The following AFAP1 variants were observed in gnomAD, a reference collection of about 807,000 sequenced individuals.
AFAP1 encodes actin filament-associated protein 1.
A neutral mutation model predicts 93.9 loss-of-function variants in AFAP1; 75 were observed. That is an observed-to-expected ratio of 0.80 (90% CI 0.66 to 0.97). The LOEUF (loss-of-function observed/expected upper bound fraction) is 0.97. AFAP1 is among the 50% of genes least tolerant of loss of function. AFAP1 has a pLI of 0.00. For missense variants in AFAP1, 1,201 were observed against 1,050.8 expected (o/e 1.14, Z -1.98); for synonymous variants, 517 against 430.7 (o/e 1.20, Z -2.48).
In AFAP1 at chr4:7,840,308, GTGTGT is replaced by G. The variant is rs1560191732; in HGVS notation, c.547-1610_547-1606del. Among the ~76,000 whole-genome samples the G allele has an allele frequency of 2.2e-3, 134 of 59,676 alleles. 1 individual carries two copies. Among genetic ancestry groups the G allele is most frequent in the African/African-American group, 0.013 (124 of 9,774 alleles). 39.1% of individuals were successfully genotyped at this position (59,676 alleles called of 152,430 possible). On this transcript the variant is annotated intron_variant, in intron 5 of 17. Coordinates refer to ENST00000420658, the MANE Select transcript of AFAP1 (RefSeq NM_001134647.2). ...TGTGTTCCTGGTTTGTTTTTGGGGT[GTGTGT>G]GTGTGTGTGTGTGTGTTTGAGATGA... is the stretch of plus-strand genomic sequence containing the variant.
chr4:7,829,859 CTCTT>C (rs1331541576), intron 6 of AFAP1, among the ~76,000 whole-genome samples: 1 of 152,198 alleles, frequency 6.6e-6, no homozygotes, highest in Non-Finnish European at 1.5e-5. Context: ...GAAGTGATTA[CTCTT>C]TCTGAGAATT....
intron 1 of AFAP1, among the ~76,000 whole-genome samples, chr4:7,888,264 C>T (rs1718244883): frequency 1.3e-5 from 2 of 152,224 alleles, no homozygotes; most frequent in African/African-American, 4.8e-5. Context: ...CCTAAACGCA[C>T]CAAAACACAA....
intron 1 of AFAP1, among the ~76,000 whole-genome samples, chr4:7,920,787 A>G (rs750724295): frequency 2.6e-4 from 39 of 151,632 alleles, no homozygotes; most frequent in Non-Finnish European, 4.7e-4. Context: ...AGACTAAAAA[A>G]CAGAAATGTA....
At chr4:7,817,006 A>G (rs1720536963) in intron 7 of AFAP1, among the ~76,000 whole-genome samples, 3 of 152,362 alleles carry the variant, frequency 2.0e-5, no homozygotes, top group Non-Finnish European at 1.5e-5. Flanking sequence ...CCAGGGCAAC[A>G]GGTCCAGCCA....
intron 6 of AFAP1, among the ~76,000 whole-genome samples, chr4:7,836,979 T>C (rs1174742490): frequency 6.6e-6 from 1 of 152,102 alleles, no homozygotes; most frequent in African/African-American, 2.4e-5. Context: ...GGCACAAGGA[T>C]GACAAAAATG....
intron 3 of AFAP1, among the ~76,000 whole-genome samples, chr4:7,867,827 C>T (rs1716594948): frequency 1.3e-5 from 2 of 151,960 alleles, no homozygotes; most frequent in African/African-American, 4.8e-5. Context: ...TGAGTCCCTC[C>T]AAGACTCTTG....
intron 9 of AFAP1, among the ~76,000 whole-genome samples, chr4:7,805,822 G>A (rs1560170061): frequency 6.6e-6 from 1 of 152,218 alleles, no homozygotes; most frequent in Non-Finnish European, 1.5e-5. Flanking sequence ...AGCAGTGTTA[G>A]AGGCCCTGAA....
intron 1 of AFAP1, among the ~76,000 whole-genome samples, chr4:7,928,906 G>A (rs1720915304): frequency 6.6e-6 from 1 of 152,236 alleles, no homozygotes; most frequent in Non-Finnish European, 1.5e-5. Context: ...CAGTGGCAGA[G>A]CCAGCATGCC....
intron 6 of AFAP1, among the ~76,000 whole-genome samples, chr4:7,834,588 T>C (rs1025755838): frequency 2.0e-5 from 3 of 152,218 alleles, no homozygotes; most frequent in Non-Finnish European, 4.4e-5. Flanking sequence ...GCAGCTACTA[T>C]GATAGTAAGC....
chr4:7,907,865 A>G (rs1719505803), intron 1 of AFAP1, among the ~76,000 whole-genome samples: 1 of 152,206 alleles, frequency 6.6e-6, no homozygotes, highest in African/African-American at 2.4e-5. Context: ...CATTTAATCC[A>G]TACTAAAGCC....
At chr4:7,793,167 T>C (rs1052616249) in intron 11 of AFAP1, among the ~76,000 whole-genome samples, 1 of 141,132 alleles carries the variant, frequency 7.1e-6, no homozygotes, top group Non-Finnish European at 1.5e-5. Flanking sequence ...GCAGCATTTT[T>C]TTTTTTAAAA....
rs147817368 is a variant in AFAP1, at chr4:7,819,592, C to G, written c.727-421G>C. Reference sequence around the variant, plus strand: ...AATGATGCTGAAGGGTCCAGCCATGCGAACAACTGGCGGGAAAGGGCTCTG... The same window carrying G: ...AATGATGCTGAAGGGTCCAGCCATGGGAACAACTGGCGGGAAAGGGCTCTG... On this transcript the variant is annotated intron_variant, in intron 6 of 17. Transcript: ENST00000420658. 2.9e-3 allele frequency among the ~76,000 whole-genome samples: 437 copies of G among 152,238 alleles called. 2 individuals carry two copies. Among genetic ancestry groups the G allele is most frequent in the African/African-American group, 0.01 (420 of 41,540 alleles).
At chr4:7,808,645 C>G (rs1719742733) in intron 9 of AFAP1, among the ~76,000 whole-genome samples, 1 of 152,156 alleles carries the variant, frequency 6.6e-6, no homozygotes, top group African/African-American at 2.4e-5. Flanking sequence ...GGATATTTCT[C>G]CCCTCCAAAT....
chr4:7,774,067 A>G (rs1715803987), intron 15 of AFAP1: 4 of 152,438 alleles, frequency 2.6e-5, no homozygotes, highest in Admixed American at 2.6e-4. Context: ...ACCGGGCTGG[A>G]AGGGAGGCCA....
intron 9 of AFAP1, 86 bp from the exon 10 acceptor site, chr4:7,800,739 G>A: frequency 7.7e-7 from 1 of 1,306,004 alleles, no homozygotes; most frequent in Non-Finnish European, 1.1e-6. Flanking sequence ...AGGAGGCCCA[G>A]GGATGGGAGT....
Position 7,774,912 on chromosome 4 carries a change from G to A in AFAP1, c.1898-9C>T. The A allele has an allele frequency of 3.1e-6, 5 of 1,590,474 alleles. No individual in the cohort carries two copies. In the African/African-American group the frequency reaches 4.1e-5, roughly 13 times the overall value. ...CTTGTACTGGGCAGCATCTTGAGAA[G>A]AAAAAAAAGCAGCAATTAAAAATTA... On this transcript the variant is annotated splice_polypyrimidine_tract_variant and intron_variant, in intron 14 of 17. Transcript: ENST00000420658.
At chr4:7,901,955 C>T (rs896445939) in intron 1 of AFAP1, among the ~76,000 whole-genome samples, 1 of 152,170 alleles carries the variant, frequency 6.6e-6, no homozygotes, top group African/African-American at 2.4e-5. Context: ...TCATTTGCAT[C>T]AACAACACAC....
At chr4:7,810,993 G>A (rs1404235886) in intron 8 of AFAP1, among the ~76,000 whole-genome samples, 1 of 152,216 alleles carries the variant, frequency 6.6e-6, no homozygotes, top group African/African-American at 2.4e-5. Flanking sequence ...ACGTGCGTGT[G>A]AGACAGCACC....
In AFAP1 at chr4:7,899,293, G is replaced by C. The variant is rs369507401; in HGVS notation, c.-2-27213C>G. Reference sequence around the variant, plus strand: ...CGCATTTGCTTCCCCCAGGACCCCCGTTTCATAAGGGTTAGTCCTGGAGCC... The same window carrying C: ...CGCATTTGCTTCCCCCAGGACCCCCCTTTCATAAGGGTTAGTCCTGGAGCC... On this transcript the variant is annotated intron_variant, in intron 1 of 17. Coordinates refer to ENST00000420658, the MANE Select transcript of AFAP1 (RefSeq NM_001134647.2). 5.3e-5 allele frequency among the ~76,000 whole-genome samples: 8 copies of C among 151,964 alleles called. No homozygotes were observed. The East Asian group carries it at 1.2e-3, about 22-fold the overall frequency.
Sources: gnomAD v4.1 joint callset for allele counts (sites outside exome capture counted in the v4.1 genomes callset) on GRCh38, gnomAD v4.1.1 for gene constraint, MANE v1.5 for transcripts, NCBI Gene and HGNC (gene_info 2026-07-23, HGNC 2026-07-21) for gene names.